PTPRH: variants seen among roughly 807,000 people sequenced by gnomAD.
The protein encoded by PTPRH is receptor-type tyrosine-protein phosphatase H.
Under a neutral mutation model 130.2 loss-of-function variants are expected in PTPRH, and 113 were observed. That is an observed-to-expected ratio of 0.87 (90% CI 0.75 to 1.01). The LOEUF is 1.01. Ranked by LOEUF, PTPRH falls within the 50% of genes least tolerant of loss-of-function variation. PTPRH has a pLI of 0.00. For synonymous variants in PTPRH, 556 were observed against 577.9 expected, an observed-to-expected ratio of 0.96 and a Z score of 0.54; for missense variants, 1,430 against 1,425.0, an observed-to-expected ratio of 1.00 and a Z score of -0.06.
At position 55,181,894 on chromosome 19, in the gene PTPRH, C is replaced by G. The variant is rs140496718; in HGVS notation, c.3208G>C (p.Val1070Leu). Residue 1070 changes from valine (V) to leucine (L), a missense_variant, in exon 20 of 20, where the codon GTA becomes CTA. Transcript: ENST00000376350. ...PLMVQTEAQYVFLHQCILRFL... is the reference protein window; with the variant it reads ...PLMVQTEAQYLFLHQCILRFL... ...CGCAGGATGCACTGATGCAGGAATA[C>G]GTACTGAGCCTGGGAAGCAGGCACG... 4.3e-6 allele frequency: 7 copies of G among 1,614,096 alleles called. No homozygotes were observed. Among genetic ancestry groups the G allele is most frequent in the Non-Finnish European group, 5.9e-6 (7 of 1,180,036 alleles).
At chr19:55,191,201 G>A (rs2147442720) in intron 12 of PTPRH, among the ~76,000 whole-genome samples, 1 of 152,180 alleles carries the variant, frequency 6.6e-6, no homozygotes, top group East Asian at 1.9e-4. Flanking sequence ...AAGAATCTTG[G>A]TTTCATTTGC....
At chr19:55,195,868 C>T (rs2086665710) in intron 10 of PTPRH, among the ~76,000 whole-genome samples, 1 of 152,038 alleles carries the variant, frequency 6.6e-6, no homozygotes. Context: ...ACTGTGCCCA[C>T]TCTATGATTG....
intron 10 of PTPRH, chr19:55,193,960 T>G: frequency 3.0e-6 from 1 of 329,020 alleles, no homozygotes; most frequent in Non-Finnish European, 5.9e-6. Context: ...GTGATTCTCT[T>G]GCCTCAGCCT....
intron 18 of PTPRH, among the ~76,000 whole-genome samples, chr19:55,183,588 G>C (rs2086237641): frequency 6.6e-6 from 1 of 152,034 alleles, no homozygotes; most frequent in South Asian, 2.1e-4. Flanking sequence ...GCCAGGCGGG[G>C]TGGCAGGCAC....
At position 55,191,742 on chromosome 19, in the gene PTPRH, C is replaced by T. The variant is rs1448107832; in HGVS notation, c.2258-1G>A. ...CCCACAAAGGCTCCGGCAATGACCC[C>T]TGTGGGGAGGAGGCATCGGGAACCC... On this transcript the variant is annotated splice_acceptor_variant, in intron 10 of 19. Transcript: ENST00000376350. LOFTEE classifies it high-confidence loss of function. 5 of 1,613,282 alleles carry T rather than the reference C, an allele frequency of 3.1e-6. No individual in the cohort carries two copies. The Admixed American group carries it at 5.0e-5, about 16-fold the overall frequency.
rs1317517451 is a variant in PTPRH at position 55,205,587 on chromosome 19, T to C, written c.358A>G (p.Asn120Asp). 3 of 1,614,060 alleles carry C rather than the reference T, an allele frequency of 1.9e-6. No individual in the cohort carries two copies. In the Admixed American group the frequency reaches 5.0e-5, roughly 27 times the overall value. ...VGTVTTATAP[N>D]PVRNLRVEAQ... ...TCCACTCTCAGGTTCCTCACTGGGTTGGGAGCTGAAAACCAGCACAGGAGG... is the reference window on the plus strand; with the variant it reads ...TCCACTCTCAGGTTCCTCACTGGGTCGGGAGCTGAAAACCAGCACAGGAGG... Residue 120 changes from asparagine (N) to aspartate (D), a missense_variant, in exon 4 of 20, where the codon AAC (asparagine) becomes GAC (aspartate). Physicochemically the swap from Asn to Asp is conservative, Grantham distance 23. Transcript: ENST00000376350.
intron 14 of PTPRH, among the ~76,000 whole-genome samples, chr19:55,187,056 A>AGGT (rs2086360228): frequency 6.8e-6 from 1 of 146,768 alleles, no homozygotes; most frequent in South Asian, 2.2e-4. Context: ...GAAAAAAAAA[A>AGGT]GGTGGGGGGC....
chr19:55,205,667 G>A (rs770533773), intron 3 of PTPRH, 75 bp from the exon 4 acceptor site: 9 of 1,580,268 alleles, frequency 5.7e-6, no homozygotes, highest in African/African-American at 1.3e-5. Context: ...CTTAACCGTT[G>A]CATCCAGCAG....
chr19:55,188,318 G>C (rs2086426994), intron 12 of PTPRH, 150 bp from the exon 13 acceptor site: 1 of 617,744 alleles, frequency 1.6e-6, no homozygotes, highest in Non-Finnish European at 2.9e-6. Context: ...TTCGAGACCA[G>C]CCTGGCCAAC....
chr19:55,207,300 C>A, intron 1 of PTPRH, 101 bp from the exon 2 acceptor site: 1 of 1,322,868 alleles, frequency 7.6e-7, no homozygotes, highest in South Asian at 1.3e-5. Context: ...CCCCATGAGT[C>A]ACCCTTGCAT....
chr19:55,182,473 A>G (rs1404059080), intron 18 of PTPRH, among the ~76,000 whole-genome samples: 1 of 152,182 alleles, frequency 6.6e-6, no homozygotes, highest in African/African-American at 2.4e-5. Flanking sequence ...CAGTGAGCCA[A>G]GATCACACCA....
rs1158550744 is a variant in PTPRH at position 55,209,409 on chromosome 19, C to A, written c.25G>T (p.Gly9Trp). Reference protein sequence around the residue: MAGAGGGLGVWGNLVLLGL... With the variant: MAGAGGGLWVWGNLVLLGL... ...AGCAGCACCAGGTTCCCCCAGACCC[C>A]GAGGCCCCCGCCAGCCCCAGCCATG... Residue 9 changes from glycine (G) to tryptophan (W), a missense_variant, in exon 1 of 20, where the codon GGG (glycine) becomes TGG (tryptophan). Coordinates refer to ENST00000376350, the MANE Select transcript of PTPRH (RefSeq NM_002842.5). This position sits in a 1 kb window ranked among gnomAD's most constrained non-coding sequence, Gnocchi z 4.1. 1 of 1,559,534 alleles carries A rather than the reference C, an allele frequency of 6.4e-7. No individual in the cohort carries two copies. Among genetic ancestry groups the A allele is most frequent in the African/African-American group, 1.4e-5 (1 of 73,778 alleles).
intron 10 of PTPRH, 68 bp from the exon 11 acceptor site, chr19:55,191,809 C>G (rs778873278): frequency 7.5e-7 from 1 of 1,339,502 alleles, no homozygotes; most frequent in Non-Finnish European, 1.1e-6. Context: ...TCCAACCCTG[C>G]CCAGCCTTTC....
At position 55,203,957 on chromosome 19, in the gene PTPRH, C is replaced by T. The variant is rs577047231; in HGVS notation, c.711G>A (p.Gln237=). 7.4e-6 allele frequency: 12 copies of T among 1,614,208 alleles called. No homozygotes were observed. In the Admixed American group the frequency reaches 2.0e-4, roughly 27 times the overall value. The change falls in exon 5 of 20, where the codon CAG becomes CAA. Residue 237 remains glutamine (Q), a synonymous_variant. Transcript: ENST00000376350. ...TGCACTGAACGCAGTAGGTCGAGTT[C>T]TGTGGGTCTGTGCCATCGGGGACCT... ...SWEVPDGTDP[Q]NSTYCVQCTG... is the part of the protein sequence containing the mutation.
rs1568890776 is a variant in PTPRH, at chr19:55,185,862, C to T, written c.2901G>A (p.Gln967=). 1.9e-6 allele frequency: 3 copies of T among 1,614,126 alleles called. No individual in the cohort carries two copies. Among genetic ancestry groups the T allele is most frequent in the East Asian group, 4.5e-5 (2 of 44,884 alleles). The change falls in exon 17 of 20, where the codon CAG becomes CAA. Residue 967 remains glutamine (Q), a splice_region_variant and synonymous_variant. Coordinates refer to ENST00000376350, the MANE Select transcript of PTPRH (RefSeq NM_002842.5). ...NWTVRELLLL[Q]VEEQKTLSVR... ...CCAGGACGGGGCTGGACACACGCAC[C>T]TGGAGGAGCAGCAGTTCCCGCACCG...
At chr19:55,196,058 T>TG (rs539797120) in intron 10 of PTPRH, among the ~76,000 whole-genome samples, 27 of 152,122 alleles carry the variant, frequency 1.8e-4, no homozygotes, top group Non-Finnish European at 3.5e-4. Flanking sequence ...TGCACAATGT[T>TG]GTGAATATAA....
In PTPRH at chr19:55,207,345, CG is replaced by C; in HGVS notation, c.52-147del. ...GGGCCGGTGTTAGGCTGGGCTGTCA[CG>C]ACCTCGACCGTCTTTCCTGGGTCGA... On this transcript the variant is annotated intron_variant, in intron 1 of 19. Coordinates refer to ENST00000376350, the MANE Select transcript of PTPRH (RefSeq NM_002842.5). 3.8e-6 allele frequency: 3 copies of C among 788,122 alleles called. No homozygotes were observed. In the East Asian group the frequency reaches 8.2e-5, roughly 22 times the overall value. 48.8% of individuals were successfully genotyped at this position (788,122 alleles called of 1,614,324 possible). A position where few individuals can be genotyped will look rare whatever the true frequency, so the allele number is the denominator to read the frequency against.
At chr19:55,195,942 G>C (rs929649054) in intron 10 of PTPRH, among the ~76,000 whole-genome samples, 1 of 152,062 alleles carries the variant, frequency 6.6e-6, no homozygotes, top group South Asian at 2.1e-4. Flanking sequence ...AGAGATTTCC[G>C]AGGGCTGGGG....
chr19:55,206,934 A>G lies in PTPRH; in HGVS notation c.107T>C (p.Leu36Pro). 14 of 1,604,158 alleles carry G rather than the reference A, an allele frequency of 8.7e-6. No homozygotes were observed. Among genetic ancestry groups the G allele is most frequent in the Non-Finnish European group, 1.2e-5 (14 of 1,173,358 alleles). ...GCTGGTGGTCTGAGTCTCCACTGTC[A>G]GGTTCCTCCCTGGGTTGGGGGCTGA... Reference protein sequence around the residue: ...RAPAPNPGRNLTVETQTTSSI... With the variant: ...RAPAPNPGRNPTVETQTTSSI... The change falls in exon 3 of 20, where the codon CTG (leucine) becomes CCG (proline). Residue 36 changes from leucine (L) to proline (P), a missense_variant. Physicochemically the swap from Leu to Pro is moderately conservative, Grantham distance 98 (BLOSUM62 -3). Coordinates refer to ENST00000376350, the MANE Select transcript of PTPRH (RefSeq NM_002842.5).
Sources: allele counts gnomAD v4.1 joint callset (sites outside exome capture counted in the v4.1 genomes callset), GRCh38; gene constraint gnomAD v4.1.1; non-coding constraint Gnocchi (gnomAD v3.1); transcripts MANE v1.5; gene names NCBI Gene and HGNC (gene_info 2026-07-23, HGNC 2026-07-21).